The following CASR variants were observed in gnomAD, a reference collection of about 807,000 sequenced individuals.
CASR encodes calcium sensing receptor, also known as extracellular calcium-sensing receptor.
In CASR, 23 loss-of-function variants were observed where a neutral mutation model predicts 69.1. The observed-to-expected ratio is 0.33, with a 90% CI of 0.24 to 0.47. The LOEUF (loss-of-function observed/expected upper bound fraction) is 0.47. Ranked by LOEUF, CASR falls within the 20% of genes least tolerant of loss-of-function variation. CASR has a pLI of 1.00. For missense variants in CASR, 924 were observed against 1,356.1 expected (o/e 0.68, Z 5.00); for synonymous variants, 541 against 544.7 (o/e 0.99, Z 0.10).
intron 5 of CASR, among the ~76,000 whole-genome samples, chr3:122,279,947 T>A (rs557845006): frequency 6.6e-6 from 1 of 152,210 alleles, no homozygotes; most frequent in Admixed American, 6.5e-5. Flanking sequence ...CCTAATGCTC[T>A]CCACCCCACT....
chr3:122,190,366 A>G (rs2073827585), intron 1 of CASR, among the ~76,000 whole-genome samples: 1 of 152,184 alleles, frequency 6.6e-6, no homozygotes, highest in Non-Finnish European at 1.5e-5. Flanking sequence ...GCAATTATCA[A>G]CCAATTTCCA....
intron 5 of CASR, among the ~76,000 whole-genome samples, chr3:122,278,106 T>A (rs2074844396): frequency 6.8e-6 from 1 of 147,348 alleles, no homozygotes; most frequent in African/African-American, 2.6e-5. Context: ...AACTTCCCTA[T>A]GTATTTCACA....
At chr3:122,227,288 G>A (rs544918565) in intron 1 of CASR, among the ~76,000 whole-genome samples, 35 of 151,912 alleles carry the variant, frequency 2.3e-4, no homozygotes, top group East Asian at 5.8e-4. Flanking sequence ...GGAGGCTCCC[G>A]CCACACAGGA....
intron 1 of CASR, among the ~76,000 whole-genome samples, chr3:122,205,660 A>G (rs1373134918): frequency 6.6e-6 from 1 of 152,036 alleles, no homozygotes; most frequent in African/African-American, 2.4e-5. Context: ...TTTGGGTACT[A>G]TTGTCACTTT....
intron 1 of CASR, among the ~76,000 whole-genome samples, chr3:122,251,940 A>G (rs573578271): frequency 6.6e-6 from 1 of 152,328 alleles, no homozygotes; most frequent in South Asian, 2.1e-4. Context: ...GCAAATTGCA[A>G]AAGAGCAAAA....
chr3:122,221,628 A>G (rs1296545436), intron 1 of CASR, among the ~76,000 whole-genome samples: 1 of 152,202 alleles, frequency 6.6e-6, no homozygotes, highest in East Asian at 1.9e-4. Flanking sequence ...TTACTGATCT[A>G]TTGCCACTAG....
intron 3 of CASR, chr3:122,257,595 AAAT>A: frequency 1.9e-6 from 1 of 527,722 alleles, no homozygotes; most frequent in East Asian, 3.0e-5. Flanking sequence ...TATGCTTCCA[AAAT>A]TCTTTTAAAT....
intron 6 of CASR, 39 bp downstream of exon 6, chr3:122,282,275 C>T (rs2074901154): frequency 6.2e-7 from 1 of 1,608,992 alleles, no homozygotes; most frequent in African/African-American, 1.3e-5. Flanking sequence ...AGGGCTTGGT[C>T]CACTTCGGAG....
At chr3:122,214,719 C>A (rs766248576) in intron 1 of CASR, among the ~76,000 whole-genome samples, 1 of 152,172 alleles carries the variant, frequency 6.6e-6, no homozygotes, top group Non-Finnish European at 1.5e-5. Flanking sequence ...CAAATAAAAT[C>A]TCTCCTGGCT....
intron 5 of CASR, among the ~76,000 whole-genome samples, chr3:122,277,383 G>A (rs554726326): frequency 1.3e-5 from 2 of 151,970 alleles, no homozygotes; most frequent in East Asian, 1.9e-4. Flanking sequence ...CCAAAGACTC[G>A]CTTCGTCTTC....
intron 3 of CASR, among the ~76,000 whole-genome samples, chr3:122,259,919 G>T (rs1317198210): frequency 1.3e-5 from 2 of 152,142 alleles, no homozygotes; most frequent in Non-Finnish European, 1.5e-5. Context: ...TATTAAAAAG[G>T]CATTCTCCCA....
intron 1 of CASR, among the ~76,000 whole-genome samples, chr3:122,241,457 A>G (rs1169538700): frequency 3.1e-4 from 47 of 152,154 alleles, no homozygotes; most frequent in Non-Finnish European, 1.0e-4. Context: ...ATTGAAACAT[A>G]CAACCTACCA....
intron 5 of CASR, among the ~76,000 whole-genome samples, chr3:122,279,478 C>T (rs1007702869): frequency 2.0e-5 from 3 of 152,160 alleles, no homozygotes; most frequent in Non-Finnish European, 4.4e-5. Context: ...TATCACCAAA[C>T]AGACCAGCAA....
intron 1 of CASR, among the ~76,000 whole-genome samples, chr3:122,235,750 A>G (rs1419601740): frequency 6.6e-6 from 1 of 152,212 alleles, no homozygotes; most frequent in Non-Finnish European, 1.5e-5. Context: ...AGCTATGATC[A>G]TGGCACTGCA....
At chr3:122,191,894 G>C (rs528898122) in intron 1 of CASR, among the ~76,000 whole-genome samples, 1 of 152,202 alleles carries the variant, frequency 6.6e-6, no homozygotes, top group Non-Finnish European at 1.5e-5. Context: ...TCCTTATCAG[G>C]AACATTAAGA....
chr3:122,234,113 A>G (rs181297843), intron 1 of CASR, among the ~76,000 whole-genome samples: 1 of 152,344 alleles, frequency 6.6e-6, no homozygotes, highest in Non-Finnish European at 1.5e-5. Context: ...TTCCAAAGTC[A>G]TGGAAATGTC....
At position 122,242,224 on chromosome 3, in the gene CASR, A is replaced by C. The variant is rs756812575; in HGVS notation, c.-242-11724A>C. Among the ~76,000 whole-genome samples, 4 of 152,250 alleles carry C rather than the reference A, an allele frequency of 2.6e-5. 1 individual carries two copies. In the Middle Eastern group the frequency reaches 0.01, roughly 388 times the overall value. On this transcript the variant is annotated intron_variant, in intron 1 of 6. Transcript: ENST00000639785. ...AGAAAGAAAGGTCATCCACATTAGAAAGAAAGAAGCCAAATTATCCTTGTT... is the reference window on the plus strand; with the variant it reads ...AGAAAGAAAGGTCATCCACATTAGACAGAAAGAAGCCAAATTATCCTTGTT...
intron 1 of CASR, among the ~76,000 whole-genome samples, chr3:122,250,101 G>A (rs937768325): frequency 3.9e-5 from 6 of 152,154 alleles, no homozygotes; most frequent in Non-Finnish European, 7.4e-5. Flanking sequence ...CATGGAAGGT[G>A]GAAGGTGATG....
At chr3:122,270,514 C>T (rs892857136) in intron 4 of CASR, among the ~76,000 whole-genome samples, 5 of 152,084 alleles carry the variant, frequency 3.3e-5, no homozygotes, top group African/African-American at 1.2e-4. Context: ...CTATTCTGAT[C>T]TTTGTCATCT....
Sources: gnomAD v4.1 joint callset for allele counts (sites outside exome capture counted in the v4.1 genomes callset) on GRCh38, gnomAD v4.1.1 for gene constraint, MANE v1.5 for transcripts, NCBI Gene and HGNC (gene_info 2026-07-23, HGNC 2026-07-21) for gene names.